SLC35F3: variants seen among roughly 807,000 people sequenced by gnomAD.
SLC35F3 encodes putative thiamine transporter SLC35F3.
Under a neutral mutation model 49.9 loss-of-function variants are expected in SLC35F3, and 25 were observed. The ratio of observed to expected loss-of-function variants is 0.50; its 90% CI spans 0.37 to 0.70. SLC35F3 has a LOEUF of 0.70. SLC35F3 is among the 30% of genes least tolerant of loss of function. The pLI, the probability that SLC35F3 is intolerant of heterozygous loss-of-function variation, is 0.00. For synonymous variants in SLC35F3, 275 were observed against 265.4 expected (o/e 1.04, Z -0.35); for missense variants, 525 against 639.8 (o/e 0.82, Z 1.94).
chr1:234,317,498 T>G (rs1347717284), intron 5 of SLC35F3, among the ~76,000 whole-genome samples: 1 of 152,098 alleles, frequency 6.6e-6, no homozygotes, highest in Non-Finnish European at 1.5e-5. Flanking sequence ...AGAAAAGAGA[T>G]TTTAGTTTTG....
chr1:234,091,065 G>A lies in SLC35F3; in HGVS notation c.284-140352G>A, dbSNP rs1305182273. Among the ~76,000 whole-genome samples, 6 of 152,094 alleles carry A rather than the reference G, an allele frequency of 3.9e-5. No homozygotes were observed. In the South Asian group the frequency reaches 8.3e-4, roughly 21 times the overall value. ...TTTGTTTGTTTTGCTTTTTAATTAC[G>A]CAAGTAATACATGAACATGTTTGCA... On this transcript the variant is annotated intron_variant, in intron 2 of 7. Transcript: ENST00000366618.
At position 234,139,558 on chromosome 1, in the gene SLC35F3, A is replaced by G. The variant is rs114759208; in HGVS notation, c.284-91859A>G. 4.5e-3 allele frequency among the ~76,000 whole-genome samples: 688 copies of G among 152,298 alleles called. 9 individuals are homozygous for G. The highest frequency in any genetic ancestry group is 0.015 in the African/African-American group (634 of 41,558). On this transcript the variant is annotated intron_variant, in intron 2 of 7. Transcript: ENST00000366618. ...GTTCCTTTCCCATGCGTAAAAAAGA[A>G]TACAGTCGTCCCCACTTATCCTTGG...
chr1:233,951,151 G>GAACAT (rs1571993370), intron 2 of SLC35F3, among the ~76,000 whole-genome samples: 1 of 151,258 alleles, frequency 6.6e-6, no homozygotes. Flanking sequence ...GGTTTTGAAA[G>GAACAT]AACATAGAGT....
At chr1:234,119,144 T>TGGCA (rs1162902976) in intron 2 of SLC35F3, among the ~76,000 whole-genome samples, 1 of 152,078 alleles carries the variant, frequency 6.6e-6, no homozygotes, top group Non-Finnish European at 1.5e-5. Flanking sequence ...AGAAATCACA[T>TGGCA]GGCAGGGGTG....
intron 2 of SLC35F3, among the ~76,000 whole-genome samples, chr1:233,952,869 G>A (rs937690181): frequency 1.3e-5 from 2 of 151,920 alleles, no homozygotes; most frequent in Non-Finnish European, 2.9e-5. Flanking sequence ...GATGGAATTC[G>A]CCCCCCTCCC....
chr1:234,236,925 TTATATATATATATATATATATATA>T (rs55846915), intron 3 of SLC35F3, among the ~76,000 whole-genome samples: 59 of 96,294 alleles, frequency 6.1e-4, no homozygotes, highest in African/African-American at 1.3e-3. Context: ...AAAAAAAAAA[TTATATATATATATATATATATATA>T]TATATATATA....
Position 234,272,931 on chromosome 1 carries a change from T to C in SLC35F3, c.609-36170T>C, listed in dbSNP as rs982636024. 3.9e-5 allele frequency among the ~76,000 whole-genome samples: 6 copies of C among 152,300 alleles called. No individual in the cohort carries two copies. In the South Asian group the frequency reaches 1.2e-3, roughly 32 times the overall value. On this transcript the variant is annotated intron_variant, in intron 3 of 7. Coordinates refer to ENST00000366618, the MANE Select transcript of SLC35F3 (RefSeq NM_173508.4). The stretch of plus-strand genomic sequence containing the variant: ...ACAGCATCAGAACTCTCAGGTGGAC[T>C]TGGAAGCCCGCGCAGGACAGTCACA...
intron 2 of SLC35F3, among the ~76,000 whole-genome samples, chr1:233,929,816 C>T (rs150938617): frequency 8.3e-4 from 127 of 152,220 alleles, no homozygotes; most frequent in African/African-American, 2.9e-3. Context: ...GGTTTGTTTA[C>T]CTATGACAAC....
chr1:234,266,969 C>T (rs2102971401), intron 3 of SLC35F3, among the ~76,000 whole-genome samples: 1 of 127,412 alleles, frequency 7.8e-6, no homozygotes, highest in East Asian at 2.3e-4. Context: ...GAGGGAAGGT[C>T]AGCAGATAAA....
chr1:233,927,220 T>A (rs1007883624), intron 2 of SLC35F3, among the ~76,000 whole-genome samples: 1 of 152,186 alleles, frequency 6.6e-6, no homozygotes, highest in Non-Finnish European at 1.5e-5. Context: ...CAAACAATCA[T>A]GTGTAGATTT....
intron 3 of SLC35F3, among the ~76,000 whole-genome samples, chr1:234,242,253 C>A (rs1338575638): frequency 2.0e-5 from 3 of 152,222 alleles, no homozygotes; most frequent in Admixed American, 6.5e-5. Context: ...CAGATGGGGC[C>A]ACATGCCTAC....
At chr1:233,939,845 G>A (rs1662393241) in intron 2 of SLC35F3, among the ~76,000 whole-genome samples, 2 of 152,184 alleles carry the variant, frequency 1.3e-5, no homozygotes, top group South Asian at 4.1e-4. Flanking sequence ...CTTCAAAGAG[G>A]ATGGAGCCTG....
intron 2 of SLC35F3, among the ~76,000 whole-genome samples, chr1:233,968,328 A>T (rs80325662): frequency 0.047 from 7,207 of 152,072 alleles, 263 homozygotes; most frequent in East Asian, 0.17. Flanking sequence ...TTAACTAATG[A>T]CATCTGAAAT....
intron 3 of SLC35F3, among the ~76,000 whole-genome samples, chr1:234,251,752 TGTG>T (rs937066251): frequency 6.6e-6 from 1 of 152,134 alleles, no homozygotes; most frequent in Admixed American, 6.5e-5. Flanking sequence ...ATTAAAGCAA[TGTG>T]GTACTGGTAC....
At chr1:234,238,514 C>T (rs868794233) in intron 3 of SLC35F3, among the ~76,000 whole-genome samples, 6 of 152,140 alleles carry the variant, frequency 3.9e-5, no homozygotes, top group Non-Finnish European at 4.4e-5. Context: ...GTGACATCAC[C>T]GTCTGAGTTT....
At chr1:234,117,080 C>A (rs12403828) in intron 2 of SLC35F3, among the ~76,000 whole-genome samples, 21,051 of 152,136 alleles carry the variant, frequency 0.14, 3,191 homozygotes, top group East Asian at 0.81. Flanking sequence ...CAAAAGCAAA[C>A]CAAATTCAGT....
In SLC35F3 at chr1:234,052,687, A is replaced by G. The variant is rs142346869; in HGVS notation, c.283+146929A>G. Among the ~76,000 whole-genome samples, 399 of 152,032 alleles carry G rather than the reference A, an allele frequency of 2.6e-3. 2 individuals carry two copies. Among genetic ancestry groups the G allele is most frequent in the Middle Eastern group, 6.8e-3 (2 of 294 alleles). ...ATTTCTTGCCTTCTGCTAGCTTTTA[A>G]TGTGTTTGCTCTTGCTTCTGTAGTT... is the stretch of plus-strand genomic sequence containing the variant. On this transcript the variant is annotated intron_variant, in intron 2 of 7. Transcript: ENST00000366618.
intron 2 of SLC35F3, among the ~76,000 whole-genome samples, chr1:234,173,731 G>T (rs1007100482): frequency 3.3e-5 from 5 of 152,172 alleles, no homozygotes; most frequent in Non-Finnish European, 7.3e-5. Flanking sequence ...TTTGCAGTGG[G>T]ACATTCTGAC....
At chr1:234,148,402 T>C (rs1666027003) in intron 2 of SLC35F3, among the ~76,000 whole-genome samples, 2 of 152,212 alleles carry the variant, frequency 1.3e-5, no homozygotes, top group African/African-American at 2.4e-5. Context: ...CAACAGTCTA[T>C]GCTAGCTCAC....
Sources: allele counts gnomAD v4.1 joint callset (sites outside exome capture counted in the v4.1 genomes callset), GRCh38; gene constraint gnomAD v4.1.1; transcripts MANE v1.5; gene names NCBI Gene and HGNC (gene_info 2026-07-23, HGNC 2026-07-21).